PARM1: variants seen among roughly 807,000 people sequenced by gnomAD.
PARM1 encodes WSC4, cell wall integrity and stress response component 4 homolog.
A neutral mutation model predicts 24.6 loss-of-function variants in PARM1; 14 were observed. That is an observed-to-expected ratio of 0.57 (90% confidence interval 0.38 to 0.89). The LOEUF (loss-of-function observed/expected upper bound fraction) is 0.89, where lower values mean the gene tolerates loss of function less well. PARM1 is among the 40% of genes least tolerant of loss of function. The probability of loss-of-function intolerance (pLI) is 0.00; values close to 1 mark genes in which losing one functional copy is unlikely to be tolerated. For missense variants in PARM1, 362 were observed against 380.4 expected, an observed-to-expected ratio of 0.95 and a Z score of 0.40; for synonymous variants, 179 against 156.6, an observed-to-expected ratio of 1.14 and a Z score of -1.07.
At chr4:74,936,397 C>T (rs1721184018) in intron 1 of PARM1, among the ~76,000 whole-genome samples, 1 of 151,702 alleles carries the variant, frequency 6.6e-6, no homozygotes, top group South Asian at 2.1e-4. Context: ...CCTCGGGATT[C>T]TCTTCCTTTG....
rs1052041431 is a variant in PARM1, at chr4:75,049,939, A to G, written c.*3692A>G. 9.1e-4 allele frequency: 135 copies of G among 148,340 alleles called. No individual in the cohort carries two copies. The highest frequency in any genetic ancestry group is 3.2e-3 in the African/African-American group (125 of 38,826). The allele number at this position is 148,340 out of a possible 1,614,324, so 9.2% of individuals were successfully genotyped here. ...AATAGTGCTAGTTGATATTGGTAAT[A>G]ATGCTAACCAAGAGATCAATGCCAG... On this transcript the variant is annotated 3_prime_UTR_variant, in exon 4 of 4. Transcript: ENST00000307428.
chr4:75,017,954 C>G lies in PARM1; in HGVS notation c.769+4804C>G, dbSNP rs375523470. The stretch of plus-strand genomic sequence containing the variant: ...AAGATAATAAATTTATAGCATATGG[C>G]TGTTGAGCAATAGCTCAATCAATGG... On this transcript the variant is annotated intron_variant, in intron 2 of 3. Coordinates refer to ENST00000307428, the MANE Select transcript of PARM1 (RefSeq NM_015393.4). 5.9e-5 allele frequency among the ~76,000 whole-genome samples: 9 copies of G among 152,346 alleles called. No individual in the cohort carries two copies. In the South Asian group the frequency reaches 8.3e-4, roughly 14 times the overall value.
chr4:74,986,063 G>A (rs1003116947), intron 1 of PARM1, among the ~76,000 whole-genome samples: 36 of 152,234 alleles, frequency 2.4e-4, no homozygotes, highest in Middle Eastern at 3.4e-3. Context: ...CACTGCACCC[G>A]GCCTTAGAAT....
At chr4:74,978,751 A>G (rs903304632) in intron 1 of PARM1, among the ~76,000 whole-genome samples, 1 of 151,954 alleles carries the variant, frequency 6.6e-6, no homozygotes, top group African/African-American at 2.4e-5. Context: ...AACTGACATC[A>G]TAACAGTCTC....
chr4:74,981,748 G>C (rs934728993), intron 1 of PARM1, among the ~76,000 whole-genome samples: 2 of 151,948 alleles, frequency 1.3e-5, no homozygotes, highest in Admixed American at 6.6e-5. Context: ...AGTGGAAGGC[G>C]CCTGTAATCC....
intron 2 of PARM1, among the ~76,000 whole-genome samples, chr4:75,015,865 C>G (rs17000085): frequency 0.036 from 5,482 of 152,294 alleles, 348 homozygotes; most frequent in African/African-American, 0.13. Flanking sequence ...TATTAGCTAG[C>G]AGACCAAGCA....
At position 74,933,284 on chromosome 4, in the gene PARM1, T is replaced by C; in HGVS notation, c.-44T>C. ...CAGTGCGCTCTGTCAGTCCGCAAACTCCTTGCCGCCCGCCCCGGGCTGGGC... is the reference window on the plus strand; with the variant it reads ...CAGTGCGCTCTGTCAGTCCGCAAACCCCTTGCCGCCCGCCCCGGGCTGGGC... On this transcript the variant is annotated 5_prime_UTR_variant, in exon 1 of 4. Coordinates refer to ENST00000307428, the MANE Select transcript of PARM1 (RefSeq NM_015393.4). 2 of 1,590,678 alleles carry C rather than the reference T, an allele frequency of 1.3e-6. No homozygotes were observed. The highest frequency in any genetic ancestry group is 1.7e-6 in the Non-Finnish European group (2 of 1,162,340).
In PARM1 at chr4:74,979,296, C is replaced by T. The variant is rs185623690; in HGVS notation, c.44-33129C>T. 4.6e-5 allele frequency among the ~76,000 whole-genome samples: 7 copies of T among 152,116 alleles called. No homozygotes were observed. The East Asian group carries it at 1.2e-3, about 25-fold the overall frequency. On this transcript the variant is annotated intron_variant, in intron 1 of 3. Transcript: ENST00000307428. ...GATAAAGGGGATATCGCCACTGACC[C>T]AACAGAAATACAACCATCAGAGAAT...
chr4:75,017,331 C>T (rs1013859634), intron 2 of PARM1, among the ~76,000 whole-genome samples: 7 of 152,196 alleles, frequency 4.6e-5, no homozygotes, highest in African/African-American at 1.2e-4. Flanking sequence ...CATAGGACCT[C>T]TACCCTCACC....
intron 3 of PARM1, among the ~76,000 whole-genome samples, 193 bp from the exon 4 acceptor site, chr4:75,045,970 A>G (rs934281081): frequency 2.0e-5 from 3 of 152,158 alleles, no homozygotes; most frequent in Non-Finnish European, 4.4e-5. Flanking sequence ...TCCTAGCAGG[A>G]AGAGTTGTCA....
chr4:74,934,996 C>CTTTTTTTTTTTTTTTT (rs11392364), intron 1 of PARM1, among the ~76,000 whole-genome samples: 2 of 116,544 alleles, frequency 1.7e-5, no homozygotes, highest in Non-Finnish European at 3.4e-5. Context: ...GCTCTTTTTT[C>CTTTTTTTTTTTTTTTT]TTTTTTTTTT....
intron 1 of PARM1, chr4:74,969,742 C>G (rs1158647198): frequency 6.6e-6 from 1 of 152,252 alleles, no homozygotes; most frequent in Non-Finnish European, 1.5e-5. Context: ...CTTTGTTCCT[C>G]TCCCACCATG....
rs377231154 is a variant in PARM1 at position 74,995,821 on chromosome 4, C to T, written c.44-16604C>T. Among the ~76,000 whole-genome samples the T allele has an allele frequency of 3.4e-3, 524 of 152,232 alleles. 6 individuals carry two copies. Among genetic ancestry groups the T allele is most frequent in the African/African-American group, 0.012 (482 of 41,538 alleles). On this transcript the variant is annotated intron_variant, in intron 1 of 3. Coordinates refer to ENST00000307428, the MANE Select transcript of PARM1 (RefSeq NM_015393.4). ...AATCAGTTGTCTGCCCTCACCAGAG[C>T]GATCTTCCAAAAGCATCAGCTGATC...
At chr4:74,960,947 G>A (rs1721760532) in intron 1 of PARM1, among the ~76,000 whole-genome samples, 1 of 151,444 alleles carries the variant, frequency 6.6e-6, no homozygotes, top group South Asian at 2.1e-4. Context: ...GGAGCTTGCA[G>A]TGAGCCAAGA....
At chr4:74,964,688 T>C (rs574753482) in intron 1 of PARM1, among the ~76,000 whole-genome samples, 173 of 152,286 alleles carry the variant, frequency 1.1e-3, no homozygotes, top group Non-Finnish European at 1.9e-3. Flanking sequence ...CTATAGGTTC[T>C]ATGAGAGTAG....
intron 1 of PARM1, among the ~76,000 whole-genome samples, chr4:74,942,798 C>T (rs2109981262): frequency 6.6e-6 from 1 of 152,320 alleles, no homozygotes; most frequent in East Asian, 1.9e-4. Context: ...CTGTTTTCTA[C>T]ATAGCATAGC....
intron 1 of PARM1, among the ~76,000 whole-genome samples, chr4:74,966,541 A>G (rs1721905255): frequency 6.6e-6 from 1 of 152,158 alleles, no homozygotes; most frequent in Admixed American, 6.5e-5. Context: ...GGGAATTCTC[A>G]ATAAAATTAC....
chr4:74,959,217 C>T (rs1721710889), intron 1 of PARM1, among the ~76,000 whole-genome samples: 1 of 152,126 alleles, frequency 6.6e-6, no homozygotes, highest in Non-Finnish European at 1.5e-5. Context: ...AATGTTTTAT[C>T]TGTGAAAGAT....
At chr4:75,041,402 T>C (rs1723481531) in intron 3 of PARM1, among the ~76,000 whole-genome samples, 1 of 152,226 alleles carries the variant, frequency 6.6e-6, no homozygotes, top group African/African-American at 2.4e-5. Flanking sequence ...TATCCTTCCA[T>C]ATTTCTTCAT....
Sources: gnomAD v4.1 joint callset for allele counts (sites outside exome capture counted in the v4.1 genomes callset) on GRCh38, gnomAD v4.1.1 for gene constraint, MANE v1.5 for transcripts, NCBI Gene and HGNC (gene_info 2026-07-23, HGNC 2026-07-21) for gene names.